COMMD10: variants seen among roughly 807,000 people sequenced by gnomAD.
COMMD10 encodes the protein COMM domain-containing protein 10.
A neutral mutation model predicts 28.9 loss-of-function variants in COMMD10; 33 were observed. That is an observed-to-expected ratio of 1.14 (90% CI 0.87 to 1.53). The LOEUF (loss-of-function observed/expected upper bound fraction) is 1.53. Among genes scored for constraint, COMMD10 ranks in the 40% most tolerant of loss-of-function variants. The pLI is 0.00. For synonymous variants in COMMD10, 110 were observed against 81.7 expected (o/e 1.35, Z -1.87); for missense variants, 310 against 233.4 (o/e 1.33, Z -2.14).
chr5:116,168,794 A>T (rs913624962), intron 5 of COMMD10, among the ~76,000 whole-genome samples: 3 of 152,224 alleles, frequency 2.0e-5, no homozygotes, highest in Non-Finnish European at 4.4e-5. Flanking sequence ...GAACAAAGAC[A>T]CAATGTACCA....
chr5:116,113,859 C>T (rs1357656752), intron 4 of COMMD10, among the ~76,000 whole-genome samples: 2 of 151,758 alleles, frequency 1.3e-5, no homozygotes, highest in African/African-American at 2.4e-5. Flanking sequence ...CATGCGTTTT[C>T]ATGTTTCTTG....
chr5:116,121,659 T>C (rs1304691506), intron 4 of COMMD10, among the ~76,000 whole-genome samples: 2 of 152,208 alleles, frequency 1.3e-5, no homozygotes, highest in Non-Finnish European at 2.9e-5. Flanking sequence ...TCCTGACTTT[T>C]TAATGATCGC....
At chr5:116,274,605 C>G (rs1190907741) in intron 5 of COMMD10, among the ~76,000 whole-genome samples, 1 of 151,832 alleles carries the variant, frequency 6.6e-6, no homozygotes, top group South Asian at 2.1e-4. Flanking sequence ...CACCAAAATA[C>G]TTTTGCCAAT....
intron 5 of COMMD10, among the ~76,000 whole-genome samples, chr5:116,266,681 G>A (rs1478911146): frequency 6.6e-6 from 1 of 151,666 alleles, no homozygotes; most frequent in East Asian, 1.9e-4. Context: ...GATGAACATC[G>A]ATGCAAAAAT....
chr5:116,085,913 G>T (rs1391488960), intron 1 of COMMD10, among the ~76,000 whole-genome samples: 1 of 152,232 alleles, frequency 6.6e-6, no homozygotes, highest in African/African-American at 2.4e-5. Context: ...TTTGTTACCA[G>T]TGGAGGGTGT....
At chr5:116,260,048 ATTCT>A (rs1424171953) in intron 5 of COMMD10, among the ~76,000 whole-genome samples, 1 of 151,726 alleles carries the variant, frequency 6.6e-6, no homozygotes, top group Admixed American at 6.6e-5. Flanking sequence ...CTGCACTATC[ATTCT>A]TTCTTCTTTT....
chr5:116,096,225 A>G (rs949965993), intron 4 of COMMD10, among the ~76,000 whole-genome samples: 3 of 151,966 alleles, frequency 2.0e-5, no homozygotes, highest in East Asian at 3.9e-4. Context: ...AGTATTGAGT[A>G]TATCTATTTA....
intron 5 of COMMD10, among the ~76,000 whole-genome samples, chr5:116,191,452 G>T (rs938707010): frequency 3.3e-5 from 5 of 150,968 alleles, no homozygotes; most frequent in African/African-American, 1.2e-4. Context: ...GCTCTTGTGG[G>T]GCTCGGTGGG....
At chr5:116,256,149 C>T (rs1269795026) in intron 5 of COMMD10, among the ~76,000 whole-genome samples, 2 of 151,510 alleles carry the variant, frequency 1.3e-5, no homozygotes, top group African/African-American at 4.9e-5. Context: ...AAATGCTGTA[C>T]CTGGCTTCTG....
intron 5 of COMMD10, among the ~76,000 whole-genome samples, chr5:116,245,065 A>G (rs190207022): frequency 1.7e-3 from 257 of 149,178 alleles, no homozygotes; most frequent in Non-Finnish European, 3.0e-3. Flanking sequence ...AAAAAAAATT[A>G]ATAAAATACA....
At chr5:116,259,417 C>T (rs1382982997) in intron 5 of COMMD10, among the ~76,000 whole-genome samples, 5 of 151,514 alleles carry the variant, frequency 3.3e-5, no homozygotes, top group African/African-American at 1.2e-4. Context: ...TCAAATCTCA[C>T]TGAGAATTAC....
chr5:116,216,057 A>G (rs1317766476), intron 5 of COMMD10, among the ~76,000 whole-genome samples: 1 of 152,160 alleles, frequency 6.6e-6, no homozygotes, highest in Non-Finnish European at 1.5e-5. Context: ...GTTGTTCTGA[A>G]GTAAAACAAT....
chr5:116,147,998 G>C lies in COMMD10; in HGVS notation c.510+13820G>C, dbSNP rs1752399622. Among the ~76,000 whole-genome samples, 3 of 151,796 alleles carry C rather than the reference G, an allele frequency of 2.0e-5. No homozygotes were observed. In the South Asian group the frequency reaches 6.2e-4, roughly 32 times the overall value. ...CAACATCATTTTAAATGACTACATA[G>C]GATTCTGTTGTTTGTATGTTCCATT... On this transcript the variant is annotated intron_variant, in intron 5 of 6. Transcript: ENST00000274458.
intron 4 of COMMD10, among the ~76,000 whole-genome samples, chr5:116,131,596 CT>C (rs1751865055): frequency 2.6e-5 from 4 of 151,910 alleles, no homozygotes; most frequent in Admixed American, 2.6e-4. Flanking sequence ...TGATTGATCA[CT>C]TGTCTGAGAG....
At chr5:116,131,074 A>G (rs538288758) in intron 4 of COMMD10, among the ~76,000 whole-genome samples, 2 of 152,028 alleles carry the variant, frequency 1.3e-5, no homozygotes, top group South Asian at 2.1e-4. Flanking sequence ...TGGACAGAAC[A>G]CTTAATTGGA....
intron 5 of COMMD10, among the ~76,000 whole-genome samples, chr5:116,138,622 A>AT (rs1227818298): frequency 8.0e-5 from 12 of 150,348 alleles, no homozygotes; most frequent in South Asian, 2.1e-4. Flanking sequence ...CTTGTGTTTC[A>AT]TTTTTTTTTC....
rs937074903 is a variant in COMMD10 at position 116,184,587 on chromosome 5, C to A, written c.510+50409C>A. Among the ~76,000 whole-genome samples, 3 of 152,012 alleles carry A rather than the reference C, an allele frequency of 2.0e-5. No homozygotes were observed. The East Asian group carries it at 5.8e-4, about 29-fold the overall frequency. On this transcript the variant is annotated intron_variant, in intron 5 of 6. Coordinates refer to ENST00000274458, the MANE Select transcript of COMMD10 (RefSeq NM_016144.4). The stretch of plus-strand genomic sequence containing the variant: ...GTGTAGAAATAAGATATAATGAACA[C>A]CAAACCTAAAAAAGCAGCGTCAACT...
chr5:116,233,467 G>C (rs1749579410), intron 5 of COMMD10, among the ~76,000 whole-genome samples: 1 of 152,070 alleles, frequency 6.6e-6, no homozygotes, highest in Non-Finnish European at 1.5e-5. Flanking sequence ...GAAAGTCCTT[G>C]ACCCTTGTGA....
At chr5:116,283,581 A>T (rs1380269839) in intron 5 of COMMD10, among the ~76,000 whole-genome samples, 1 of 151,606 alleles carries the variant, frequency 6.6e-6, no homozygotes, top group East Asian at 1.9e-4. Context: ...TCCTGACCTC[A>T]GGTGATCTGC....
Sources: gnomAD v4.1 joint callset for allele counts (sites outside exome capture counted in the v4.1 genomes callset) on GRCh38, gnomAD v4.1.1 for gene constraint, MANE v1.5 for transcripts, NCBI Gene and HGNC (gene_info 2026-07-23, HGNC 2026-07-21) for gene names.